Variants in ZNG1C observed in about 807,000 individuals in gnomAD.
ZNG1C encodes the protein zinc-regulated GTPase metalloprotein activator 1C.
chr9:68,264,855 A>ATATATATATATATATATG, the ZNG1C span, among the ~76,000 whole-genome samples: 12 of 72,226 alleles, frequency 1.7e-4, no homozygotes, highest in African/African-American at 5.7e-4. Flanking sequence ...ATATATATAT[A>ATATATATATATATATATG]TGTATAATAA....
the ZNG1C span, among the ~76,000 whole-genome samples, chr9:68,296,280 C>T: frequency 5.9e-5 from 9 of 152,172 alleles, no homozygotes; most frequent in Non-Finnish European, 1.2e-4. Context: ...GATGCAAAGG[C>T]ATAAGAATGA....
At chr9:68,265,132 TC>T in the ZNG1C span, among the ~76,000 whole-genome samples, 15 of 144,682 alleles carry the variant, frequency 1.0e-4, no homozygotes, top group African/African-American at 3.6e-4. Context: ...CCTCAGGTGA[TC>T]CACCCGCCTC....
chr9:68,284,895 ATTTTT>A, the ZNG1C span, among the ~76,000 whole-genome samples: 37 of 127,374 alleles, frequency 2.9e-4, no homozygotes, highest in South Asian at 1.5e-3. Flanking sequence ...TCGTTGTTAG[ATTTTT>A]TTTTTTTTTT....
At chr9:68,275,248 T>C in the ZNG1C span, among the ~76,000 whole-genome samples, 1 of 124,486 alleles carries the variant, frequency 8.0e-6, no homozygotes. Context: ...CATAGAAAAT[T>C]TTAGCTTAGC....
chr9:68,295,803 C>CA, the ZNG1C span, among the ~76,000 whole-genome samples: 1 of 63,876 alleles, frequency 1.6e-5, no homozygotes, highest in African/African-American at 5.7e-5. Context: ...ATAAAAAAAT[C>CA]AAAAAAATAG....
the ZNG1C span, among the ~76,000 whole-genome samples, chr9:68,267,248 G>T: frequency 2.6e-5 from 4 of 152,222 alleles, no homozygotes; most frequent in Non-Finnish European, 5.9e-5. Context: ...AATCAATAAA[G>T]GTAAGGCTCA....
the ZNG1C span, chr9:68,299,265 C>T: frequency 2.7e-6 from 4 of 1,500,322 alleles, no homozygotes; most frequent in African/African-American, 1.4e-5. Flanking sequence ...CTTGTTAGGA[C>T]TTTTGTTCTT....
the ZNG1C span, among the ~76,000 whole-genome samples, chr9:68,292,910 AAG>A: frequency 1.4e-5 from 1 of 69,124 alleles, no homozygotes; most frequent in Non-Finnish European, 3.0e-5. Context: ...AGATGAAAGA[AAG>A]AGCTGTGAAA....
chr9:68,284,895 ATTTTTTTT>A, the ZNG1C span, among the ~76,000 whole-genome samples: 1 of 127,466 alleles, frequency 7.8e-6, no homozygotes, highest in Non-Finnish European at 1.6e-5. Flanking sequence ...TCGTTGTTAG[ATTTTTTTT>A]TTTTTTTTTT....
chr9:68,285,667 TTGTATTAAACC>T, the ZNG1C span: 2 of 294,698 alleles, frequency 6.8e-6, no homozygotes, highest in African/African-American at 2.2e-5. Flanking sequence ...ATATTTAAGT[TTGTATTAAACC>T]TGTTGGAATG....
the ZNG1C span, among the ~76,000 whole-genome samples, chr9:68,252,085 C>CT: frequency 1.1e-3 from 8 of 7,572 alleles, no homozygotes; most frequent in Admixed American, 4.5e-3. Context: ...TTGAAGGAAT[C>CT]TTTTTTTTTC....
At chr9:68,276,554 A>G in the ZNG1C span, among the ~76,000 whole-genome samples, 1 of 149,878 alleles carries the variant, frequency 6.7e-6, no homozygotes, top group Admixed American at 6.7e-5. Context: ...CCATTTATTA[A>G]ATAGGGAATC....
the ZNG1C span, among the ~76,000 whole-genome samples, chr9:68,295,841 C>T: frequency 4.2e-4 from 25 of 60,178 alleles, no homozygotes; most frequent in South Asian, 1.7e-3. Flanking sequence ...GTGGTGAACA[C>T]GGAACACTTC....
the ZNG1C span, chr9:68,247,731 T>C: frequency 1.6e-6 from 1 of 608,264 alleles, no homozygotes; most frequent in South Asian, 2.0e-5. Flanking sequence ...GTTTACTGTG[T>C]ACATGGTTTA....
chr9:68,293,382 TACAGAA>T, the ZNG1C span, among the ~76,000 whole-genome samples: 2 of 148,090 alleles, frequency 1.4e-5, no homozygotes, highest in African/African-American at 4.9e-5. Context: ...ACTTAAAAGA[TACAGAA>T]TTGCAGAATA....
the ZNG1C span, among the ~76,000 whole-genome samples, chr9:68,276,060 G>C: frequency 6.6e-6 from 1 of 152,192 alleles, no homozygotes; most frequent in East Asian, 1.9e-4. Context: ...GCCAGTGATG[G>C]TGAGCATTTT....
At chr9:68,245,688 C>T in the ZNG1C span, among the ~76,000 whole-genome samples, 8 of 87,394 alleles carry the variant, frequency 9.2e-5, no homozygotes, top group East Asian at 1.6e-3. Context: ...CCACCTCTGT[C>T]TCCCGGGTTA....
the ZNG1C span, among the ~76,000 whole-genome samples, chr9:68,288,439 A>G: frequency 3.9e-5 from 6 of 152,252 alleles, no homozygotes; most frequent in Admixed American, 1.3e-4. Context: ...GTACAATTCA[A>G]TGTTTGGGTT....
the ZNG1C span, chr9:68,270,974 T>A: frequency 6.8e-6 from 1 of 146,636 alleles, no homozygotes; most frequent in South Asian, 2.1e-4. Context: ...TTATTTTTTG[T>A]TTTTTAAAAT....
Sources: allele counts gnomAD v4.1 joint callset (sites outside exome capture counted in the v4.1 genomes callset), GRCh38; gene constraint gnomAD v4.1.1; transcripts MANE v1.5; gene names NCBI Gene and HGNC (gene_info 2026-07-23, HGNC 2026-07-21).